The following COP1 variants were observed in gnomAD, a reference collection of about 807,000 sequenced individuals.
The protein encoded by COP1 is COP1 E3 ubiquitin ligase.
In COP1, 24 loss-of-function variants were observed where a neutral mutation model predicts 101.3. That is an observed-to-expected ratio of 0.24 (90% CI 0.17 to 0.33). The LOEUF is 0.33. COP1 is among the 10% of genes least tolerant of loss of function. The probability of loss-of-function intolerance (pLI) is 1.00; values close to 1 mark genes in which losing one functional copy is unlikely to be tolerated. For missense variants in COP1, 663 were observed against 906.2 expected (o/e 0.73, Z 3.45); for synonymous variants, 347 against 341.9 (o/e 1.01, Z -0.17).
intron 18 of COP1, among the ~76,000 whole-genome samples, chr1:175,958,418 C>T (rs1244861022): frequency 2.6e-5 from 4 of 151,816 alleles, no homozygotes; most frequent in Non-Finnish European, 4.4e-5. Context: ...CTAAATATTT[C>T]CCCCAAAATA....
chr1:175,976,284 T>C (rs1433441015), intron 18 of COP1, among the ~76,000 whole-genome samples: 4 of 131,250 alleles, frequency 3.0e-5, no homozygotes, highest in African/African-American at 1.1e-4. Context: ...TTTTTTTTTT[T>C]TTTTTTTTTT....
intron 15 of COP1, among the ~76,000 whole-genome samples, chr1:176,015,851 G>T (rs1665533872): frequency 6.6e-6 from 1 of 152,164 alleles, no homozygotes. Flanking sequence ...GGTGGCAGAA[G>T]CCTTGGTGAA....
At chr1:176,038,701 C>A (rs753798850) in intron 14 of COP1, among the ~76,000 whole-genome samples, 2 of 151,152 alleles carry the variant, frequency 1.3e-5, no homozygotes, top group African/African-American at 4.9e-5. Context: ...GCCTGTAATC[C>A]CAGCTACTCA....
chr1:175,995,423 C>CA (rs1377979716), intron 15 of COP1, among the ~76,000 whole-genome samples: 1 of 151,888 alleles, frequency 6.6e-6, no homozygotes, highest in African/African-American at 2.4e-5. Flanking sequence ...AATACAGACA[C>CA]AAAAAACCCT....
At chr1:175,998,065 A>T (rs1256060233) in intron 15 of COP1, among the ~76,000 whole-genome samples, 8 of 11,254 alleles carry the variant, frequency 7.1e-4, no homozygotes, top group South Asian at 4.3e-3. Flanking sequence ...AGTATAATTA[A>T]AAAAAAAAAA....
chr1:176,028,888 G>T (rs1283369724), intron 14 of COP1, among the ~76,000 whole-genome samples: 1 of 151,234 alleles, frequency 6.6e-6, no homozygotes, highest in African/African-American at 2.4e-5. Flanking sequence ...CTCCCGGGTA[G>T]CTAGGTGTGT....
chr1:175,955,781 C>CACAA (rs1650565683), intron 18 of COP1, among the ~76,000 whole-genome samples: 1 of 151,060 alleles, frequency 6.6e-6, no homozygotes, highest in Non-Finnish European at 1.5e-5. Flanking sequence ...CACACACACA[C>CACAA]ACACACACAC....
At chr1:175,993,639 T>C (rs567274199) in intron 15 of COP1, among the ~76,000 whole-genome samples, 3 of 152,202 alleles carry the variant, frequency 2.0e-5, no homozygotes, top group Non-Finnish European at 1.5e-5. Flanking sequence ...GAAGAAAGGG[T>C]ATCAGTGATG....
intron 14 of COP1, 68 bp downstream of exon 14, chr1:176,043,118 C>A (rs111358951): frequency 1.3e-5 from 11 of 877,850 alleles, no homozygotes; most frequent in Non-Finnish European, 1.9e-5. Flanking sequence ...GTATTTCTGC[C>A]GATGAAAGGA....
At chr1:176,097,586 T>A (rs1682634132) in intron 9 of COP1, among the ~76,000 whole-genome samples, 1 of 152,146 alleles carries the variant, frequency 6.6e-6, no homozygotes, top group African/African-American at 2.4e-5. Flanking sequence ...TTTTATAGAC[T>A]GGCTGGGTGC....
chr1:176,187,312 A>G (rs1278767225), intron 1 of COP1, among the ~76,000 whole-genome samples: 1 of 152,028 alleles, frequency 6.6e-6, no homozygotes, highest in Non-Finnish European at 1.5e-5. Context: ...ACATACACAC[A>G]TATATACACA....
intron 15 of COP1, among the ~76,000 whole-genome samples, chr1:175,991,889 A>G (rs1463013794): frequency 6.6e-6 from 1 of 152,134 alleles, no homozygotes; most frequent in Non-Finnish European, 1.5e-5. Context: ...TGATAACAGT[A>G]CCTTTTTCTG....
intron 15 of COP1, among the ~76,000 whole-genome samples, chr1:175,993,261 G>C (rs1659138607): frequency 6.6e-6 from 1 of 152,108 alleles, no homozygotes; most frequent in Admixed American, 6.5e-5. Flanking sequence ...CACCATCAAA[G>C]ACCAAAAGTA....
intron 9 of COP1, among the ~76,000 whole-genome samples, chr1:176,113,109 T>C (rs1685573943): frequency 6.6e-6 from 1 of 152,194 alleles, no homozygotes; most frequent in Non-Finnish European, 1.5e-5. Flanking sequence ...TATTTTTAGT[T>C]TTCTGAGGAA....
Position 176,136,561 on chromosome 1 carries a change from A to T in COP1, c.832-14T>A. ...CTGTTCCAGTTGCTGCAGATTAAAT[A>T]GAGAGAGAAAGACAAAAAAAAAAAA... On this transcript the variant is annotated splice_polypyrimidine_tract_variant and intron_variant, in intron 6 of 19. Coordinates refer to ENST00000367669, the MANE Select transcript of COP1 (RefSeq NM_022457.7). 6.5e-7 allele frequency: 1 copy of T among 1,546,588 alleles called. No individual in the cohort carries two copies. The highest frequency in any genetic ancestry group is 8.8e-7 in the Non-Finnish European group (1 of 1,141,270).
chr1:175,947,378 T>G (rs888867644), intron 18 of COP1, 139 bp from the exon 19 acceptor site: 2 of 670,574 alleles, frequency 3.0e-6, no homozygotes, highest in Non-Finnish European at 5.2e-6. Context: ...CAATTTTTTT[T>G]TTTTTTTTTT....
intron 15 of COP1, among the ~76,000 whole-genome samples, chr1:175,997,477 G>C (rs1444276099): frequency 6.6e-6 from 1 of 151,910 alleles, no homozygotes; most frequent in Non-Finnish European, 1.5e-5. Context: ...CAAAATGGGA[G>C]AAAATTTTCA....
At chr1:175,995,895 T>G (rs960046750) in intron 15 of COP1, among the ~76,000 whole-genome samples, 1 of 152,170 alleles carries the variant, frequency 6.6e-6, no homozygotes, top group Non-Finnish European at 1.5e-5. Flanking sequence ...TAACTCATTT[T>G]ATGAGGCCAG....
At chr1:176,132,546 CACACATAT>C (rs1306075726) in intron 8 of COP1, among the ~76,000 whole-genome samples, 2 of 148,840 alleles carry the variant, frequency 1.3e-5, no homozygotes, top group Non-Finnish European at 3.0e-5. Flanking sequence ...TGAATATATA[CACACATAT>C]ACACATATGT....
Sources: gnomAD v4.1 joint callset for allele counts (sites outside exome capture counted in the v4.1 genomes callset) on GRCh38, gnomAD v4.1.1 for gene constraint, MANE v1.5 for transcripts, NCBI Gene and HGNC (gene_info 2026-07-23, HGNC 2026-07-21) for gene names.